Variants in CNTLN observed in about 807,000 individuals in gnomAD.
CNTLN encodes the protein centlein, centrosomal protein.
Under a neutral mutation model 180.0 loss-of-function variants are expected in CNTLN, and 212 were observed. That is an observed-to-expected ratio of 1.18 (90% CI 1.05 to 1.32). The LOEUF is 1.32. Ranked by LOEUF, CNTLN falls within the 40% of genes most tolerant of loss-of-function variation. CNTLN has a pLI of 0.00. For synonymous variants in CNTLN, 722 were observed against 563.1 expected, an observed-to-expected ratio of 1.28 and a Z score of -3.99; for missense variants, 2,095 against 1,610.9, an observed-to-expected ratio of 1.30 and a Z score of -5.14.
Position 17,243,591 on chromosome 9 carries a change from T to C in CNTLN, c.849+7003T>C, listed in dbSNP as rs143794676. Reference sequence around the variant, plus strand: ...GACCTACTGGTTATTCAGGAGCATATTGTTTAATTTCCATGTGATGTGTCA... The same window carrying C: ...GACCTACTGGTTATTCAGGAGCATACTGTTTAATTTCCATGTGATGTGTCA... On this transcript the variant is annotated intron_variant, in intron 5 of 25. Coordinates refer to ENST00000380647, the MANE Select transcript of CNTLN (RefSeq NM_017738.4). Among the ~76,000 whole-genome samples, 321 of 152,354 alleles carry C rather than the reference T, an allele frequency of 2.1e-3. 1 individual carries two copies. Among genetic ancestry groups the C allele is most frequent in the African/African-American group, 7.3e-3 (304 of 41,588 alleles).
At chr9:17,411,012 C>G (rs1827803464) in intron 16 of CNTLN, among the ~76,000 whole-genome samples, 1 of 151,970 alleles carries the variant, frequency 6.6e-6, no homozygotes, top group Non-Finnish European at 1.5e-5. Context: ...TTAAAATCAG[C>G]TTAAGTTCTA....
intron 5 of CNTLN, among the ~76,000 whole-genome samples, chr9:17,262,723 C>T (rs1423713505): frequency 6.6e-6 from 1 of 151,368 alleles, no homozygotes; most frequent in Non-Finnish European, 1.5e-5. Context: ...GCACATGTAT[C>T]TGAGAACTTA....
chr9:17,251,423 T>C (rs1259356684), intron 5 of CNTLN, among the ~76,000 whole-genome samples: 1 of 151,834 alleles, frequency 6.6e-6, no homozygotes, highest in Non-Finnish European at 1.5e-5. Flanking sequence ...ACTGATCACT[T>C]TTTTTCTTTT....
At chr9:17,203,475 C>G (rs181843915) in intron 2 of CNTLN, among the ~76,000 whole-genome samples, 2 of 152,102 alleles carry the variant, frequency 1.3e-5, no homozygotes, top group Admixed American at 6.5e-5. Context: ...ACCAATCATT[C>G]GTAGGTTTGG....
intron 12 of CNTLN, among the ~76,000 whole-genome samples, chr9:17,347,032 T>C (rs1821953032): frequency 6.6e-6 from 1 of 152,226 alleles, no homozygotes; most frequent in African/African-American, 2.4e-5. Flanking sequence ...ATTTTGGCTA[T>C]TGTAATTTTT....
At chr9:17,224,781 A>T (rs920679127) in intron 2 of CNTLN, among the ~76,000 whole-genome samples, 1 of 151,748 alleles carries the variant, frequency 6.6e-6, no homozygotes, top group Non-Finnish European at 1.5e-5. Context: ...CGGACCTTTA[A>T]CTTACTTATT....
chr9:17,138,801 C>T (rs1398744011), intron 1 of CNTLN, among the ~76,000 whole-genome samples: 1 of 152,060 alleles, frequency 6.6e-6, no homozygotes, highest in East Asian at 1.9e-4. Context: ...TAATATATTG[C>T]CAACACTAAA....
chr9:17,250,584 A>G (rs542775090), intron 5 of CNTLN, among the ~76,000 whole-genome samples: 1 of 152,104 alleles, frequency 6.6e-6, no homozygotes, highest in Non-Finnish European at 1.5e-5. Context: ...TTGAATTGAT[A>G]CAAAGTGTTT....
intron 6 of CNTLN, among the ~76,000 whole-genome samples, chr9:17,289,551 G>C (rs897028618): frequency 7.3e-6 from 1 of 136,112 alleles, no homozygotes; most frequent in Non-Finnish European, 1.5e-5. Flanking sequence ...TCTGAACATT[G>C]GCCTGCCTTG....
Position 17,377,857 on chromosome 9 carries a change from T to C in CNTLN, c.1988-10305T>C, listed in dbSNP as rs901224608. On this transcript the variant is annotated intron_variant, in intron 13 of 25. Transcript: ENST00000380647. ...GCTAAGTGGATGCCTGAAAATTTAC[T>C]TTTTTCAACTTGATATTCAAAAACT... Among the ~76,000 whole-genome samples, 6 of 152,330 alleles carry C rather than the reference T, an allele frequency of 3.9e-5. No homozygotes were observed. In the East Asian group the frequency reaches 9.6e-4, roughly 24 times the overall value.
At chr9:17,162,340 T>C (rs1819740445) in intron 2 of CNTLN, among the ~76,000 whole-genome samples, 1 of 152,150 alleles carries the variant, frequency 6.6e-6, no homozygotes, top group Non-Finnish European at 1.5e-5. Flanking sequence ...GGTCTCCATC[T>C]CCTGACCTCA....
In CNTLN at chr9:17,342,298, G is replaced by A. The variant is rs752094375; in HGVS notation, c.1767-27G>A. On this transcript the variant is annotated intron_variant, in intron 11 of 25. Coordinates refer to ENST00000380647, the MANE Select transcript of CNTLN (RefSeq NM_017738.4). ...TTATTGCACTTCAGACATGTTAATT[G>A]AAAAAGCAACTTTGTTTTAAAAATA... 2.6e-5 allele frequency: 42 copies of A among 1,606,826 alleles called. No individual in the cohort carries two copies. The African/African-American group carries it at 4.8e-4, about 18-fold the overall frequency.
intron 19 of CNTLN, among the ~76,000 whole-genome samples, chr9:17,459,235 T>C (rs1257533511): frequency 1.3e-5 from 2 of 151,914 alleles, no homozygotes; most frequent in African/African-American, 2.4e-5. Context: ...CTACAAATGG[T>C]CTAATAATTT....
rs942368945 is a variant in CNTLN at position 17,276,893 on chromosome 9, G to T, written c.983+3027G>T. On this transcript the variant is annotated intron_variant, in intron 6 of 25. Coordinates refer to ENST00000380647, the MANE Select transcript of CNTLN (RefSeq NM_017738.4). ...TTAAAATTACTGTTTTTGATCTATT[G>T]TTGGTTGAATTTGTGGAAGCAGAAA... Among the ~76,000 whole-genome samples the T allele has an allele frequency of 1.1e-4, 17 of 152,102 alleles. No homozygotes were observed. The South Asian group carries it at 2.9e-3, about 26-fold the overall frequency.
intron 21 of CNTLN, 72 bp from the exon 22 acceptor site, chr9:17,465,909 C>A: frequency 8.4e-7 from 1 of 1,190,278 alleles, no homozygotes; most frequent in Non-Finnish European, 1.2e-6. Flanking sequence ...CATTTAGTTT[C>A]TGTTGGAACA....
At chr9:17,196,717 T>A (rs1822155747) in intron 2 of CNTLN, among the ~76,000 whole-genome samples, 1 of 151,680 alleles carries the variant, frequency 6.6e-6, no homozygotes, top group South Asian at 2.1e-4. Context: ...TATTTTTAAT[T>A]TTTAATTTAT....
At chr9:17,443,245 T>C (rs950993793) in intron 18 of CNTLN, among the ~76,000 whole-genome samples, 2 of 152,172 alleles carry the variant, frequency 1.3e-5, no homozygotes, top group Admixed American at 1.3e-4. Flanking sequence ...TCCCATGCAT[T>C]ATGCTTGTCT....
At chr9:17,227,693 G>T (rs1288838398) in intron 3 of CNTLN, among the ~76,000 whole-genome samples, 1 of 151,762 alleles carries the variant, frequency 6.6e-6, no homozygotes, top group African/African-American at 2.4e-5. Context: ...ATTTCTATCT[G>T]TTCTTTCTAA....
chr9:17,487,252 AC>A (rs898041801), intron 25 of CNTLN, 186 bp downstream of exon 25: 1 of 586,384 alleles, frequency 1.7e-6, no homozygotes, highest in African/African-American at 1.9e-5. Context: ...AACAAATGAA[AC>A]AAATACCTTG....
Sources: allele counts gnomAD v4.1 joint callset (sites outside exome capture counted in the v4.1 genomes callset), GRCh38; gene constraint gnomAD v4.1.1; transcripts MANE v1.5; gene names NCBI Gene and HGNC (gene_info 2026-07-23, HGNC 2026-07-21).